USP32: variants seen among roughly 807,000 people sequenced by gnomAD.
USP32 encodes ubiquitin specific peptidase 32.
A neutral mutation model predicts 204.8 loss-of-function variants in USP32; 59 were observed. The observed-to-expected ratio is 0.29, with a 90% CI of 0.23 to 0.36. The LOEUF is 0.36. USP32 is among the 10% of genes least tolerant of loss of function. The pLI, the probability that USP32 is intolerant of heterozygous loss-of-function variation, is 1.00. For synonymous variants in USP32, 517 were observed against 678.4 expected (o/e 0.76, Z 3.70); for missense variants, 1,160 against 1,946.4 (o/e 0.60, Z 7.60).
intron 3 of USP32, among the ~76,000 whole-genome samples, chr17:60,299,728 G>A (rs1320034694): frequency 6.6e-6 from 1 of 152,172 alleles, no homozygotes; most frequent in African/African-American, 2.4e-5. Flanking sequence ...TCTCAGGGCA[G>A]CAGCTTAGTC....
chr17:60,355,364 A>C lies in USP32; in HGVS notation c.59-9756T>G, dbSNP rs530516260. ...TCTTGTCAAAATGCAAGGACACATG[A>C]CTTTTGTATTTTAGGATATAAAAAT... On this transcript the variant is annotated intron_variant, in intron 1 of 33. Transcript: ENST00000300896. Among the ~76,000 whole-genome samples the C allele has an allele frequency of 4.6e-5, 7 of 152,218 alleles. No individual in the cohort carries two copies. In the South Asian group the frequency reaches 1.5e-3, roughly 32 times the overall value.
intron 9 of USP32, chr17:60,257,017 G>T: frequency 4.0e-6 from 1 of 248,548 alleles, no homozygotes; most frequent in South Asian, 4.8e-5. Flanking sequence ...TACAGAAGCA[G>T]AAAACCGGCA....
chr17:60,259,766 C>T (rs139515401), intron 9 of USP32, among the ~76,000 whole-genome samples: 133 of 152,280 alleles, frequency 8.7e-4, no homozygotes, highest in African/African-American at 3.1e-3. Flanking sequence ...ACTATGACTG[C>T]TGCTGTCACT....
At chr17:60,379,919 G>T (rs373493631) in intron 1 of USP32, among the ~76,000 whole-genome samples, 1 of 152,144 alleles carries the variant, frequency 6.6e-6, no homozygotes, top group East Asian at 1.9e-4. Flanking sequence ...GTCCAATGTG[G>T]TTTTAAAAAA....
intron 29 of USP32, among the ~76,000 whole-genome samples, chr17:60,187,229 A>G (rs1288844968): frequency 6.6e-6 from 1 of 152,190 alleles, no homozygotes; most frequent in East Asian, 1.9e-4. Context: ...ATGCTGCTAT[A>G]AACTAGCAAG....
At chr17:60,201,529 A>G (rs1469497693) in intron 26 of USP32, among the ~76,000 whole-genome samples, 9 of 152,092 alleles carry the variant, frequency 5.9e-5, no homozygotes, top group African/African-American at 2.4e-5. Flanking sequence ...TCTCATCAGC[A>G]TGGTATGAGA....
intron 2 of USP32, among the ~76,000 whole-genome samples, chr17:60,309,084 A>G (rs2087795183): frequency 6.6e-6 from 1 of 152,176 alleles, no homozygotes; most frequent in South Asian, 2.1e-4. Context: ...GGGGAAAAAA[A>G]TTTTTGTGTA....
chr17:60,327,094 G>A (rs920592546), intron 2 of USP32, among the ~76,000 whole-genome samples: 2 of 152,140 alleles, frequency 1.3e-5, no homozygotes, highest in African/African-American at 4.8e-5. Flanking sequence ...ACAACAATTG[G>A]TTGTATATTT....
chr17:60,323,919 T>C (rs1033309995), intron 2 of USP32, among the ~76,000 whole-genome samples: 1 of 152,226 alleles, frequency 6.6e-6, no homozygotes, highest in African/African-American at 2.4e-5. Context: ...GGAATACTAG[T>C]AAAGTTGCCA....
intron 2 of USP32, among the ~76,000 whole-genome samples, chr17:60,322,482 A>G (rs937552450): frequency 3.3e-5 from 5 of 152,238 alleles, no homozygotes; most frequent in Admixed American, 2.6e-4. Context: ...TACAAAATTA[A>G]TAACTTAATT....
chr17:60,382,358 G>A lies in USP32; in HGVS notation c.58+9524C>T, dbSNP rs2089659746. On this transcript the variant is annotated intron_variant, in intron 1 of 33. Transcript: ENST00000300896. Reference sequence around the variant, plus strand: ...CAAAATTTAAAAAAATTAGCCAGGTGTGGTGGTGCACACCTGTAGTCCCCA... The same window carrying A: ...CAAAATTTAAAAAAATTAGCCAGGTATGGTGGTGCACACCTGTAGTCCCCA... Among the ~76,000 whole-genome samples the A allele has an allele frequency of 3.3e-5, 5 of 152,312 alleles. No individual in the cohort carries two copies. The South Asian group carries it at 1.0e-3, about 32-fold the overall frequency.
intron 17 of USP32, among the ~76,000 whole-genome samples, chr17:60,213,933 G>A (rs1567772344): frequency 6.6e-6 from 1 of 150,646 alleles, no homozygotes; most frequent in African/African-American, 2.4e-5. Context: ...ACATGAATAC[G>A]TTTTGTTTTT....
At chr17:60,294,827 T>C (rs768789624) in intron 3 of USP32, 26 bp from the exon 4 acceptor site, 1 of 1,515,362 alleles carries the variant, frequency 6.6e-7, no homozygotes, top group South Asian at 1.2e-5. Flanking sequence ...ATAGAATAAA[T>C]TAATCTTAAC....
At chr17:60,353,217 A>T (rs1197355100) in intron 1 of USP32, among the ~76,000 whole-genome samples, 1 of 152,208 alleles carries the variant, frequency 6.6e-6, no homozygotes, top group African/African-American at 2.4e-5. Flanking sequence ...CAACATAGGC[A>T]CAGAGGAAAG....
At chr17:60,284,908 T>C (rs1396490347) in intron 5 of USP32, among the ~76,000 whole-genome samples, 2 of 152,182 alleles carry the variant, frequency 1.3e-5, no homozygotes, top group Admixed American at 1.3e-4. Flanking sequence ...TGATGTCTCC[T>C]CTTTGTAATT....
chr17:60,268,912 A>G (rs1297959656), intron 7 of USP32, among the ~76,000 whole-genome samples: 2 of 152,190 alleles, frequency 1.3e-5, no homozygotes, highest in African/African-American at 4.8e-5. Context: ...AATTAAATGT[A>G]AATGCCTGCA....
intron 1 of USP32, among the ~76,000 whole-genome samples, chr17:60,365,595 C>CA (rs1197009206): frequency 6.6e-6 from 1 of 152,110 alleles, no homozygotes; most frequent in Non-Finnish European, 1.5e-5. Flanking sequence ...TGTAAGCATT[C>CA]ACTCAGTATT....
At chr17:60,409,943 T>C (rs1186553839) in intron 1 of USP32, among the ~76,000 whole-genome samples, 1 of 152,196 alleles carries the variant, frequency 6.6e-6, no homozygotes, top group Non-Finnish European at 1.5e-5. Flanking sequence ...GGTCAAGGGT[T>C]GGACAAGCTT....
At chr17:60,301,998 TA>T (rs2087589364) in intron 2 of USP32, among the ~76,000 whole-genome samples, 1 of 152,198 alleles carries the variant, frequency 6.6e-6, no homozygotes, top group African/African-American at 2.4e-5. Context: ...CAGTACTCCA[TA>T]AATTACATAA....
Sources: allele counts gnomAD v4.1 joint callset (sites outside exome capture counted in the v4.1 genomes callset), GRCh38; gene constraint gnomAD v4.1.1; transcripts MANE v1.5; gene names NCBI Gene and HGNC (gene_info 2026-07-23, HGNC 2026-07-21).